WNT16: variants seen among roughly 807,000 people sequenced by gnomAD.
The protein encoded by WNT16 is protein Wnt-16.
Under a neutral mutation model 35.4 loss-of-function variants are expected in WNT16, and 20 were observed. The ratio of observed to expected loss-of-function variants is 0.56; its 90% CI spans 0.40 to 0.82. The LOEUF is 0.82. WNT16 is among the 40% of genes least tolerant of loss of function. WNT16 has a pLI of 0.00. For synonymous variants in WNT16, 180 were observed against 179.2 expected (o/e 1.00, Z -0.03); for missense variants, 461 against 466.0 (o/e 0.99, Z 0.10).
At chr7:121,330,013 C>T (rs561115553) in intron 2 of WNT16, among the ~76,000 whole-genome samples, 196 bp downstream of exon 2, 1 of 152,376 alleles carries the variant, frequency 6.6e-6, no homozygotes, top group South Asian at 2.1e-4. Flanking sequence ...GAGGTGACTC[C>T]CCAGTTCCAG....
At chr7:121,325,799 G>A (rs1793236032), upstream of WNT16, among the ~76,000 whole-genome samples, 1 of 152,024 alleles carries the variant, frequency 6.6e-6, no homozygotes, top group Non-Finnish European at 1.5e-5. Context: ...CCAGCAGTTT[G>A]GGAGGCTGAG....
At chr7:121,330,458 T>C (rs1020048954) in intron 2 of WNT16, among the ~76,000 whole-genome samples, 4 of 152,234 alleles carry the variant, frequency 2.6e-5, no homozygotes, top group African/African-American at 9.6e-5. Context: ...AAAGTTCCAC[T>C]TCCACGTGCG....
chr7:121,326,789 T>C (rs1024953971), upstream of WNT16, among the ~76,000 whole-genome samples: 1 of 152,184 alleles, frequency 6.6e-6, no homozygotes, highest in South Asian at 2.1e-4. Flanking sequence ...ATGTTTTTGA[T>C]TTTTTAAAAA....
In WNT16 at chr7:121,332,568, C is replaced by A. The variant is rs144866599; in HGVS notation, c.633+604C>A. On this transcript the variant is annotated intron_variant, in intron 3 of 3. Coordinates refer to ENST00000222462, the MANE Select transcript of WNT16 (RefSeq NM_057168.2). Reference sequence around the variant, plus strand: ...GAATTTTTATGATATTTTTTTAAATCGACTTTTTAGTGGGCAATGGCTCCT... The same window carrying A: ...GAATTTTTATGATATTTTTTTAAATAGACTTTTTAGTGGGCAATGGCTCCT... Among the ~76,000 whole-genome samples, 5 of 152,092 alleles carry A rather than the reference C, an allele frequency of 3.3e-5. No homozygotes were observed. The South Asian group carries it at 6.2e-4, about 19-fold the overall frequency.
intron 3 of WNT16, among the ~76,000 whole-genome samples, chr7:121,336,927 A>G (rs575647658): frequency 5.9e-5 from 9 of 152,286 alleles, no homozygotes; most frequent in African/African-American, 2.2e-4. Context: ...GGAAACATAC[A>G]TTGTTATGTT....
rs952899330 is a variant in WNT16, at chr7:121,329,817, G to T, written c.346G>T (p.Gly116Cys). Reference sequence around the variant, plus strand: ...CCTCTTTGGCTACGAGCTGAGCAGCGGTGAGTCCTGGGTCCTTAGGGGTTG... The same window carrying T: ...CCTCTTTGGCTACGAGCTGAGCAGCTGTGAGTCCTGGGTCCTTAGGGGTTG... ...SPLFGYELSS[G>C]TKETAFIYAV... is the part of the protein sequence containing the mutation. The change falls in exon 2 of 4, where the codon GGC (glycine) becomes TGC (cysteine). Residue 116 changes from glycine (G) to cysteine (C), a missense_variant and splice_region_variant. Physicochemically the swap from Gly to Cys is radical, Grantham distance 159. Transcript: ENST00000222462. 7.5e-6 allele frequency: 12 copies of T among 1,600,914 alleles called. No homozygotes were observed. The highest frequency in any genetic ancestry group is 5.9e-6 in the Non-Finnish European group (7 of 1,179,938).
upstream of WNT16, among the ~76,000 whole-genome samples, chr7:121,328,117 C>T (rs1420131640): frequency 6.6e-6 from 1 of 152,140 alleles, no homozygotes; most frequent in Non-Finnish European, 1.5e-5. Context: ...ATGTGTCTTC[C>T]ATGTGTAGCC....
upstream of WNT16, chr7:121,328,925 C>G: frequency 1.5e-6 from 1 of 649,052 alleles, no homozygotes; most frequent in Non-Finnish European, 2.0e-6. Context: ...CGCTGCTCAG[C>G]CAATCAGGCT....
upstream of WNT16, among the ~76,000 whole-genome samples, chr7:121,327,171 A>G (rs1793258484): frequency 6.6e-6 from 1 of 152,146 alleles, no homozygotes; most frequent in Admixed American, 6.5e-5. Context: ...CAGTATCTAC[A>G]TCCTATCATC....
chr7:121,335,858 A>C (rs1312153642), intron 3 of WNT16, among the ~76,000 whole-genome samples: 4 of 152,150 alleles, frequency 2.6e-5, no homozygotes, highest in Non-Finnish European at 5.9e-5. Context: ...GTAAAATTGA[A>C]ATCATAAGTA....
At position 121,339,172 on chromosome 7, in the gene WNT16, G is replaced by A. The variant is rs374417329; in HGVS notation, c.925G>A (p.Glu309Lys). 11 of 1,614,128 alleles carry A rather than the reference G, an allele frequency of 6.8e-6. No homozygotes were observed. Among genetic ancestry groups the A allele is most frequent in the Non-Finnish European group, 9.3e-6 (11 of 1,180,050 alleles). Residue 309 changes from glutamate to lysine, a missense_variant, in exon 4 of 4, where the codon GAA (glutamate) becomes AAA (lysine). Transcript: ENST00000222462. ...GGGAATCCCAGGGACACAAGGCAGA[G>A]AATGCAACCGTACATCAGAGGGTGC... ...KLGIPGTQGR[E>K]CNRTSEGADG...
chr7:121,337,799 G>C (rs1329105834), intron 3 of WNT16, among the ~76,000 whole-genome samples: 3 of 152,150 alleles, frequency 2.0e-5, no homozygotes, highest in Admixed American at 2.0e-4. Context: ...TTAGACCTTA[G>C]TGTGTGTCAG....
chr7:121,329,956 TGA>T (rs1341510187), intron 2 of WNT16, 139 bp downstream of exon 2: 2 of 1,341,158 alleles, frequency 1.5e-6, no homozygotes, highest in Admixed American at 5.3e-5. Flanking sequence ...GCACGGGGAT[TGA>T]GAGCTACAAA....
chr7:121,329,248 G>T lies in WNT16; in HGVS notation c.-45G>T. Reference sequence around the variant, plus strand: ...GGCCCGAAGGGCCTCTGGGGAGGGGGTGCAAAAGAGGAGCGGCTGGGCTGG... The same window carrying T: ...GGCCCGAAGGGCCTCTGGGGAGGGGTTGCAAAAGAGGAGCGGCTGGGCTGG... On this transcript the variant is annotated 5_prime_UTR_variant, in exon 1 of 4. Coordinates refer to ENST00000222462, the MANE Select transcript of WNT16 (RefSeq NM_057168.2). 3.3e-6 allele frequency: 5 copies of T among 1,501,582 alleles called. No homozygotes were observed. The highest frequency in any genetic ancestry group is 4.4e-6 in the Non-Finnish European group (5 of 1,124,802). 93.0% of individuals were successfully genotyped at this position (1,501,582 alleles called of 1,614,324 possible).
chr7:121,327,583 CT>C (rs1181203330), upstream of WNT16, among the ~76,000 whole-genome samples: 4 of 152,068 alleles, frequency 2.6e-5, no homozygotes, highest in Non-Finnish European at 5.9e-5. Context: ...CTCCTGACCT[CT>C]GGTGATCCGC....
chr7:121,326,032 T>C (rs1445595603), upstream of WNT16, among the ~76,000 whole-genome samples: 3 of 79,520 alleles, frequency 3.8e-5, no homozygotes, highest in African/African-American at 1.3e-4. Context: ...GAATGATACC[T>C]CATCTCAAAA....
At chr7:121,334,112 A>G (rs1793396967) in intron 3 of WNT16, among the ~76,000 whole-genome samples, 1 of 152,052 alleles carries the variant, frequency 6.6e-6, no homozygotes, top group Non-Finnish European at 1.5e-5. Flanking sequence ...TTCTAACATT[A>G]CCTAGGTTCT....
chr7:121,330,110 C>T (rs1459086484), intron 2 of WNT16, among the ~76,000 whole-genome samples: 1 of 152,238 alleles, frequency 6.6e-6, no homozygotes, highest in Non-Finnish European at 1.5e-5. Flanking sequence ...CCTACCCCGC[C>T]GACCCCCTCG....
At chr7:121,332,886 G>C (rs1489739940) in intron 3 of WNT16, among the ~76,000 whole-genome samples, 4 of 151,874 alleles carry the variant, frequency 2.6e-5, no homozygotes, top group Non-Finnish European at 5.9e-5. Flanking sequence ...TTTTTATACT[G>C]TTTTCTTAAA....
Sources: gnomAD v4.1 joint callset for allele counts (sites outside exome capture counted in the v4.1 genomes callset) on GRCh38, gnomAD v4.1.1 for gene constraint, MANE v1.5 for transcripts, NCBI Gene and HGNC (gene_info 2026-07-23, HGNC 2026-07-21) for gene names.